The following BACH2 variants were observed in gnomAD, a reference collection of about 807,000 sequenced individuals.
BACH2 encodes the protein transcription regulator protein BACH2.
In BACH2, 5 loss-of-function variants were observed where a neutral mutation model predicts 61.8. That is an observed-to-expected ratio of 0.08 (90% CI 0.04 to 0.17). The LOEUF (loss-of-function observed/expected upper bound fraction) is 0.17, where lower values mean the gene tolerates loss of function less well. Ranked by LOEUF, BACH2 falls within the 10% of genes least tolerant of loss-of-function variation. The pLI, the probability that BACH2 is intolerant of heterozygous loss-of-function variation, is 1.00. For missense variants in BACH2, 824 were observed against 1,091.1 expected (o/e 0.76, Z 3.45); for synonymous variants, 446 against 440.1 (o/e 1.01, Z -0.17).
intron 3 of BACH2, among the ~76,000 whole-genome samples, chr6:90,211,964 C>G (rs1243297542): frequency 2.0e-5 from 3 of 152,198 alleles, no homozygotes; most frequent in Admixed American, 6.5e-5. Context: ...GCATGAGGGC[C>G]TATGCCAGGC....
intron 6 of BACH2, among the ~76,000 whole-genome samples, chr6:89,966,231 T>A (rs1775040278): frequency 6.6e-6 from 1 of 152,206 alleles, no homozygotes; most frequent in Non-Finnish European, 1.5e-5. Flanking sequence ...ATATGCTGAC[T>A]GGGCTACTCA....
chr6:90,173,729 A>C (rs1232546909), intron 4 of BACH2, among the ~76,000 whole-genome samples: 2 of 152,190 alleles, frequency 1.3e-5, no homozygotes, highest in Non-Finnish European at 2.9e-5. Flanking sequence ...TGACGGAAAT[A>C]TCTATAGCTT....
At chr6:89,973,309 G>C (rs1478271529) in intron 6 of BACH2, among the ~76,000 whole-genome samples, 1 of 152,188 alleles carries the variant, frequency 6.6e-6, no homozygotes, top group South Asian at 2.1e-4. Context: ...AGTATAATGT[G>C]AGATGATGCT....
rs958635404 is a variant in BACH2, at chr6:89,927,511, C to T, written c.*4897G>A. On this transcript the variant is annotated 3_prime_UTR_variant, in exon 9 of 9. Transcript: ENST00000257749. ...ATGGTCTTGGTGCACACTTCTGCTT[C>T]TAAGAAGGGCCAGTGTTTTATCTGA... is the stretch of plus-strand genomic sequence containing the variant. 5 of 152,770 alleles carry T rather than the reference C, an allele frequency of 3.3e-5. No homozygotes were observed. Among genetic ancestry groups the T allele is most frequent in the African/African-American group, 1.2e-4 (5 of 41,448 alleles). The allele number at this position is 152,770 out of a possible 1,614,324, so 9.5% of individuals were successfully genotyped here. A position where few individuals can be genotyped will look rare whatever the true frequency, so the allele number is the denominator to read the frequency against.
At chr6:89,977,375 G>A (rs376968897) in intron 6 of BACH2, among the ~76,000 whole-genome samples, 192 of 152,302 alleles carry the variant, frequency 1.3e-3, no homozygotes, top group African/African-American at 4.2e-3. Flanking sequence ...TATTGGATTT[G>A]CCAGCTTGGA....
chr6:90,277,718 A>G (rs1771739307), intron 1 of BACH2, among the ~76,000 whole-genome samples: 1 of 152,272 alleles, frequency 6.6e-6, no homozygotes, highest in African/African-American at 2.4e-5. Context: ...TGTGTTTCAC[A>G]CAGTAAAATG....
At chr6:90,210,312 AACAC>A (rs3072671) in intron 3 of BACH2, among the ~76,000 whole-genome samples, 14,921 of 147,110 alleles carry the variant, frequency 0.1, 1,093 homozygotes, top group East Asian at 0.41. Context: ...ACCCCAAAAC[AACAC>A]ACACACACAC....
chr6:90,076,054 G>A (rs1390911039), intron 5 of BACH2, among the ~76,000 whole-genome samples: 7 of 151,864 alleles, frequency 4.6e-5, no homozygotes, highest in African/African-American at 9.7e-5. Flanking sequence ...TAGAAGAAGC[G>A]AAAAAAATGA....
At chr6:90,202,617 T>C (rs1225944579) in intron 4 of BACH2, among the ~76,000 whole-genome samples, 6 of 152,118 alleles carry the variant, frequency 3.9e-5, no homozygotes, top group African/African-American at 1.4e-4. Context: ...TTTTTCATGA[T>C]GGGGGAAGAG....
chr6:90,292,651 T>A (rs1244168500), intron 1 of BACH2, among the ~76,000 whole-genome samples: 1 of 152,214 alleles, frequency 6.6e-6, no homozygotes, highest in Non-Finnish European at 1.5e-5. Flanking sequence ...ATTCATTGGG[T>A]GCATACTCAC....
intron 4 of BACH2, among the ~76,000 whole-genome samples, chr6:90,135,098 T>A (rs1298021397): frequency 1.3e-5 from 2 of 152,222 alleles, no homozygotes; most frequent in African/African-American, 4.8e-5. Context: ...CCTGGCAGCA[T>A]GCTAAAGCCA....
At chr6:90,029,150 T>C (rs1014130179) in intron 5 of BACH2, among the ~76,000 whole-genome samples, 7 of 152,162 alleles carry the variant, frequency 4.6e-5, no homozygotes, top group African/African-American at 9.7e-5. Context: ...GAAATAACAA[T>C]AGTTCTCTAA....
intron 5 of BACH2, among the ~76,000 whole-genome samples, chr6:90,029,970 T>C (rs890463042): frequency 3.3e-5 from 5 of 152,212 alleles, no homozygotes; most frequent in East Asian, 3.8e-4. Flanking sequence ...AAGCTCCCAT[T>C]TGCAGAGATG....
chr6:90,287,338 A>G (rs1374240541), intron 1 of BACH2, among the ~76,000 whole-genome samples: 6 of 152,330 alleles, frequency 3.9e-5, no homozygotes, highest in Admixed American at 1.3e-4. Context: ...ATTTGTATCA[A>G]TGCAACTGGG....
intron 2 of BACH2, among the ~76,000 whole-genome samples, chr6:90,264,428 A>C (rs544357264): frequency 2.6e-5 from 4 of 152,228 alleles, no homozygotes; most frequent in Non-Finnish European, 5.9e-5. Flanking sequence ...AAATATAAAC[A>C]AAGGGTATAT....
At chr6:90,237,267 G>C (rs1207952085) in intron 3 of BACH2, among the ~76,000 whole-genome samples, 9 of 152,160 alleles carry the variant, frequency 5.9e-5, no homozygotes, top group Admixed American at 4.6e-4. Flanking sequence ...AAAGTACAGA[G>C]GAAGGGCCCT....
intron 5 of BACH2, among the ~76,000 whole-genome samples, chr6:90,056,765 A>C (rs1395436138): frequency 1.3e-5 from 2 of 152,240 alleles, no homozygotes; most frequent in African/African-American, 2.4e-5. Flanking sequence ...AAATTATAAC[A>C]AACTGTCTCT....
chr6:89,975,118 T>C (rs1775579404), intron 6 of BACH2, among the ~76,000 whole-genome samples: 2 of 152,208 alleles, frequency 1.3e-5, no homozygotes, highest in Non-Finnish European at 2.9e-5. Context: ...AAAAATCCCA[T>C]TGATTTTGGG....
intron 5 of BACH2, among the ~76,000 whole-genome samples, chr6:90,009,427 C>T (rs1777588198): frequency 6.6e-6 from 1 of 152,226 alleles, no homozygotes. Flanking sequence ...TCAGTAGAGT[C>T]AGCTATTGCA....
Sources: allele counts gnomAD v4.1 joint callset (sites outside exome capture counted in the v4.1 genomes callset), GRCh38; gene constraint gnomAD v4.1.1; transcripts MANE v1.5; gene names NCBI Gene and HGNC (gene_info 2026-07-23, HGNC 2026-07-21).